The following TRHDE variants were observed in gnomAD, a reference collection of about 807,000 sequenced individuals.
TRHDE encodes the protein thyrotropin-releasing hormone-degrading ectoenzyme.
TRHDE carries 72 observed loss-of-function variants against 125.7 expected under a neutral mutation model. That is an observed-to-expected ratio of 0.57 (90% CI 0.47 to 0.70). The LOEUF is 0.70. Ranked by LOEUF, TRHDE falls within the 30% of genes least tolerant of loss-of-function variation. The probability of loss-of-function intolerance (pLI) is 0.00; values close to 1 mark genes in which losing one functional copy is unlikely to be tolerated. For missense variants in TRHDE, 1,110 were observed against 1,327.1 expected (o/e 0.84, Z 2.54); for synonymous variants, 509 against 509.1 (o/e 1.00, Z 0.00).
At chr12:72,597,385 G>T (rs971911998) in intron 12 of TRHDE, among the ~76,000 whole-genome samples, 1 of 151,752 alleles carries the variant, frequency 6.6e-6, no homozygotes, top group African/African-American at 2.4e-5. Context: ...ACTAAGAGAG[G>T]GGCCAGGCAT....
intron 2 of TRHDE, among the ~76,000 whole-genome samples, chr12:72,334,178 T>C (rs1436339691): frequency 6.6e-6 from 1 of 152,232 alleles, no homozygotes; most frequent in Non-Finnish European, 1.5e-5. Context: ...GTGTAATATA[T>C]TGTTCAGCAA....
intron 17 of TRHDE, among the ~76,000 whole-genome samples, chr12:72,654,315 C>G (rs548627366): frequency 4.6e-5 from 7 of 152,132 alleles, no homozygotes; most frequent in Non-Finnish European, 1.0e-4. Flanking sequence ...AATCCATGAT[C>G]TCCATCCTAT....
At chr12:72,507,217 T>C (rs1489708700) in intron 6 of TRHDE, among the ~76,000 whole-genome samples, 1 of 152,170 alleles carries the variant, frequency 6.6e-6, no homozygotes, top group Non-Finnish European at 1.5e-5. Context: ...TGAGAACTAA[T>C]ACAGAAAATT....
At chr12:72,362,950 CT>C (rs1469275983) in intron 2 of TRHDE, among the ~76,000 whole-genome samples, 5 of 152,006 alleles carry the variant, frequency 3.3e-5, no homozygotes, top group Admixed American at 3.3e-4. Context: ...CAGTACCATG[CT>C]GTTTTGGTTA....
At chr12:72,317,830 A>G (rs1311545713) in intron 2 of TRHDE, among the ~76,000 whole-genome samples, 2 of 152,144 alleles carry the variant, frequency 1.3e-5, no homozygotes, top group Non-Finnish European at 2.9e-5. Context: ...GCGTAAAGGT[A>G]TGAAATATTT....
chr12:72,625,221 C>A (rs1278064858), intron 15 of TRHDE, among the ~76,000 whole-genome samples: 5 of 151,622 alleles, frequency 3.3e-5, no homozygotes, highest in Non-Finnish European at 7.4e-5. Context: ...AAATATGTAT[C>A]ATAATAATGT....
chr12:72,097,703 A>G (rs1013024776), intron 1 of TRHDE, among the ~76,000 whole-genome samples: 7 of 152,074 alleles, frequency 4.6e-5, no homozygotes, highest in Non-Finnish European at 7.4e-5. Context: ...CTCCTGCTGC[A>G]GCCTCCCAAA....
intron 2 of TRHDE, among the ~76,000 whole-genome samples, chr12:72,168,376 G>A (rs954201333): frequency 6.6e-6 from 1 of 152,172 alleles, no homozygotes; most frequent in African/African-American, 2.4e-5. Flanking sequence ...CACATGGGTA[G>A]TTCTCATTGA....
At chr12:72,545,309 A>C (rs1869363178) in intron 7 of TRHDE, among the ~76,000 whole-genome samples, 2 of 151,552 alleles carry the variant, frequency 1.3e-5, no homozygotes, top group Admixed American at 1.3e-4. Flanking sequence ...AGAATAAATA[A>C]GGAGAAATAA....
At chr12:72,350,484 A>C (rs922446417) in intron 2 of TRHDE, among the ~76,000 whole-genome samples, 1 of 152,052 alleles carries the variant, frequency 6.6e-6, no homozygotes, top group African/African-American at 2.4e-5. Flanking sequence ...CAGGTAGGTT[A>C]AACAGCTTGT....
chr12:72,561,883 ACT>A (rs1266705139), intron 7 of TRHDE, among the ~76,000 whole-genome samples: 1 of 152,168 alleles, frequency 6.6e-6, no homozygotes, highest in Non-Finnish European at 1.5e-5. Context: ...ACTGAGGTTG[ACT>A]TGCTCAATTA....
In TRHDE at chr12:72,612,392, C is replaced by T. The variant is rs545304805; in HGVS notation, c.2322-6499C>T. ...AATGTGATAAATTCCATGAAAGTCA[C>T]GTGCAAGCCAGATGTGAATGGAAGG... On this transcript the variant is annotated intron_variant, in intron 12 of 18. Coordinates refer to ENST00000261180, the MANE Select transcript of TRHDE (RefSeq NM_013381.3). Among the ~76,000 whole-genome samples, 299 of 152,232 alleles carry T rather than the reference C, an allele frequency of 2.0e-3. 2 individuals carry two copies. The highest frequency in any genetic ancestry group is 6.7e-3 in the African/African-American group (278 of 41,540).
intron 2 of TRHDE, among the ~76,000 whole-genome samples, chr12:72,232,270 CAG>C (rs1878261655): frequency 6.6e-6 from 1 of 152,164 alleles, no homozygotes; most frequent in Non-Finnish European, 1.5e-5. Context: ...AGCTGCTCAG[CAG>C]TCTTCGGATT....
intron 1 of TRHDE, among the ~76,000 whole-genome samples, chr12:72,102,436 G>T (rs930618320): frequency 2.0e-5 from 3 of 152,142 alleles, no homozygotes; most frequent in Non-Finnish European, 4.4e-5. Flanking sequence ...CAAATAACTT[G>T]ATTGTCTTAG....
At chr12:72,650,308 G>C (rs912198992) in intron 15 of TRHDE, among the ~76,000 whole-genome samples, 2 of 152,080 alleles carry the variant, frequency 1.3e-5, no homozygotes, top group Non-Finnish European at 2.9e-5. Context: ...ACTTATATGA[G>C]ATATTTTAAA....
At chr12:72,232,910 T>A (rs1275728302) in intron 2 of TRHDE, among the ~76,000 whole-genome samples, 2 of 152,174 alleles carry the variant, frequency 1.3e-5, no homozygotes, top group Non-Finnish European at 2.9e-5. Context: ...TTTTACTTAT[T>A]TATTTTGTGT....
chr12:72,563,038 C>G lies in TRHDE; in HGVS notation c.2040C>G (p.Asn680Lys), dbSNP rs1233807808. The G allele has an allele frequency of 6.4e-7, 1 of 1,571,410 alleles. No individual in the cohort carries two copies. Among genetic ancestry groups the G allele is most frequent in the Non-Finnish European group, 8.6e-7 (1 of 1,158,124 alleles). Residue 680 changes from asparagine to lysine, a missense_variant and splice_region_variant, in exon 9 of 19, where the codon AAC (asparagine) becomes AAG (lysine). This residue lies in a region of TRHDE where 527 missense variants were observed against 651.8 expected (regional missense o/e 0.81). Transcript: ENST00000261180. Reference protein sequence around the residue: ...AKTKALKLQNNSYLWQIPLTI... With the variant: ...AKTKALKLQNKSYLWQIPLTI... ...CTAAAGCACTTAAACTTCAGAATAA[C>G]AGGTATGACATTCTTTTTTACGTGA... is the stretch of plus-strand genomic sequence containing the variant.
intron 2 of TRHDE, among the ~76,000 whole-genome samples, chr12:72,337,045 G>T (rs1478508722): frequency 6.6e-6 from 1 of 152,132 alleles, no homozygotes; most frequent in African/African-American, 2.4e-5. Context: ...AAATTGCCAG[G>T]TGATTTGTAT....
chr12:72,633,364 T>C (rs1873579138), intron 15 of TRHDE, among the ~76,000 whole-genome samples: 1 of 152,100 alleles, frequency 6.6e-6, no homozygotes, highest in Admixed American at 6.6e-5. Context: ...CATATTCAGA[T>C]AATTTTAAAT....
Sources: gnomAD v4.1 joint callset for allele counts (sites outside exome capture counted in the v4.1 genomes callset) on GRCh38, gnomAD v4.1.1 for gene constraint, gnomAD v4.1.1 regional missense constraint, MANE v1.5 for transcripts, NCBI Gene and HGNC (gene_info 2026-07-23, HGNC 2026-07-21) for gene names.